Variants in LIPM observed in about 807,000 individuals in gnomAD.
The protein encoded by LIPM is lipase family member M, also known as lipase member M.
LIPM carries 42 observed loss-of-function variants against 42.4 expected under a neutral mutation model. That is an observed-to-expected ratio of 0.99 (90% CI 0.77 to 1.28). LIPM has a LOEUF of 1.28. Ranked by LOEUF, LIPM falls within the 50% of genes most tolerant of loss-of-function variation. The pLI, the probability that LIPM is intolerant of heterozygous loss-of-function variation, is 0.00. For missense variants in LIPM, 524 were observed against 520.1 expected, an observed-to-expected ratio of 1.01 and a Z score of -0.07; for synonymous variants, 177 against 173.3, an observed-to-expected ratio of 1.02 and a Z score of -0.17.
intron 2 of LIPM, among the ~76,000 whole-genome samples, chr10:88,812,450 G>A (rs930191715): frequency 6.6e-6 from 1 of 151,914 alleles, no homozygotes; most frequent in Non-Finnish European, 1.5e-5. Flanking sequence ...TTTGTTAGTG[G>A]GTATTGTACT....
chr10:88,811,885 C>A (rs547000309), intron 2 of LIPM, among the ~76,000 whole-genome samples: 2 of 151,788 alleles, frequency 1.3e-5, no homozygotes, highest in Non-Finnish European at 2.9e-5. Context: ...AACTGCAATA[C>A]CTTTATCAAA....
chr10:88,815,812 T>C (rs114525208), intron 6 of LIPM, among the ~76,000 whole-genome samples: 1,745 of 152,324 alleles, frequency 0.011, 29 homozygotes, highest in African/African-American at 0.039. Context: ...ACAACTGTCA[T>C]GCATCATCCA....
chr10:88,816,717 T>C, intron 6 of LIPM, 99 bp from the exon 7 acceptor site: 1 of 732,538 alleles, frequency 1.4e-6, no homozygotes, highest in Non-Finnish European at 2.4e-6. Context: ...TTAATAATGT[T>C]ACCATTTCTT....
intron 1 of LIPM, among the ~76,000 whole-genome samples, chr10:88,804,774 C>T (rs763815748): frequency 2.6e-5 from 4 of 152,198 alleles, no homozygotes; most frequent in Non-Finnish European, 5.9e-5. Context: ...TAACCTGCCC[C>T]TTAATTTGCA....
chr10:88,803,166 A>C (rs1843548212), intron 1 of LIPM, 123 bp downstream of exon 1: 3 of 1,095,030 alleles, frequency 2.7e-6, no homozygotes, highest in Non-Finnish European at 3.8e-6. Flanking sequence ...ATAGTGATGA[A>C]GTAGCAAATT....
In LIPM at chr10:88,808,491, A is replaced by G; in HGVS notation, c.265+76A>G. 5.7e-6 allele frequency: 5 copies of G among 884,856 alleles called. No homozygotes were observed. In the South Asian group the frequency reaches 5.9e-5, roughly 10 times the overall value. The allele number at this position is 884,856 out of a possible 1,614,324, so 54.8% of individuals were successfully genotyped here. A position where few individuals can be genotyped will look rare whatever the true frequency, so the allele number is the denominator to read the frequency against. On this transcript the variant is annotated intron_variant, in intron 2 of 8. Transcript: ENST00000404743. The stretch of plus-strand genomic sequence containing the variant: ...GATTTCCTTGTGATTTGAATGTAGA[A>G]GAGAGCCTGGGTTCTTAGTGCAGAG...
chr10:88,811,217 C>T (rs944694865), intron 2 of LIPM, among the ~76,000 whole-genome samples: 19 of 152,306 alleles, frequency 1.2e-4, no homozygotes, highest in African/African-American at 4.1e-4. Context: ...GGGCAGCATG[C>T]TGAGTGCTTA....
chr10:88,808,769 A>G (rs1843618912), intron 2 of LIPM, among the ~76,000 whole-genome samples: 1 of 152,140 alleles, frequency 6.6e-6, no homozygotes. Context: ...GCCTCTGATT[A>G]TGAAGAATTC....
chr10:88,809,492 T>C (rs569027554), intron 2 of LIPM, among the ~76,000 whole-genome samples: 1 of 152,356 alleles, frequency 6.6e-6, no homozygotes, highest in South Asian at 2.1e-4. Flanking sequence ...TATTTTGATA[T>C]GCCAGATACA....
At chr10:88,805,641 C>CT (rs1349126209) in intron 1 of LIPM, among the ~76,000 whole-genome samples, 7 of 152,160 alleles carry the variant, frequency 4.6e-5, no homozygotes, top group Non-Finnish European at 8.8e-5. Context: ...TATTTTCCAA[C>CT]GTTTTTTCTG....
In LIPM at chr10:88,820,424, A is replaced by T. The variant is rs1012513764; in HGVS notation, c.1195A>T (p.Met399Leu). Reference sequence around the variant, plus strand: ...CTGGGGTTTGGATGCTCCTCACCGTATGTACAATGAAATCATCCATCTGAT... The same window carrying T: ...CTGGGGTTTGGATGCTCCTCACCGTTTGTACAATGAAATCATCCATCTGAT... ...FIWGLDAPHRMYNEIIHLMQQ... is the reference protein window; with the variant it reads ...FIWGLDAPHRLYNEIIHLMQQ... Residue 399 changes from methionine to leucine, a missense_variant, in exon 9 of 9, where the codon ATG (methionine) becomes TTG (leucine). Transcript: ENST00000404743. The T allele has an allele frequency of 1.2e-5, 18 of 1,552,102 alleles. No homozygotes were observed. The highest frequency in any genetic ancestry group is 1.4e-5 in the Non-Finnish European group (16 of 1,147,036).
intron 8 of LIPM, 65 bp downstream of exon 8, chr10:88,817,961 AATGACAGTTT>A: frequency 8.2e-7 from 1 of 1,226,548 alleles, no homozygotes; most frequent in Non-Finnish European, 1.2e-6. Flanking sequence ...GGGACGTTAT[AATGACAGTTT>A]ATTCTAGATA....
chr10:88,819,051 C>T (rs753732004), intron 8 of LIPM, among the ~76,000 whole-genome samples: 9 of 142,892 alleles, frequency 6.3e-5, no homozygotes, highest in Non-Finnish European at 1.2e-4. Flanking sequence ...CCATGCTCAG[C>T]TAATTTTTTT....
chr10:88,806,621 C>T (rs918326729), intron 1 of LIPM, among the ~76,000 whole-genome samples: 4 of 152,110 alleles, frequency 2.6e-5, no homozygotes, highest in Admixed American at 2.0e-4. Context: ...AGTGGGGTCC[C>T]GCAATTTGTG....
intron 7 of LIPM, among the ~76,000 whole-genome samples, chr10:88,817,518 C>T (rs544089876): frequency 7.9e-5 from 12 of 152,308 alleles, no homozygotes; most frequent in South Asian, 6.2e-4. Context: ...TTCCAGGGCA[C>T]GATTCCCCAT....
Position 88,814,965 on chromosome 10 carries a change from T to G in LIPM, c.575-123T>G, listed in dbSNP as rs922246548. ...TGGTGTCATAAGGACCTTATAATTT[T>G]ATAGGAGAGGTAAGATGCAGTCACA... On this transcript the variant is annotated intron_variant, in intron 4 of 8. Transcript: ENST00000404743. 4.5e-6 allele frequency: 4 copies of G among 889,736 alleles called. No individual in the cohort carries two copies. The African/African-American group carries it at 6.8e-5, about 15-fold the overall frequency. 55.1% of individuals were successfully genotyped at this position (889,736 alleles called of 1,614,324 possible).
intron 1 of LIPM, among the ~76,000 whole-genome samples, chr10:88,803,490 T>C (rs1843551877): frequency 6.6e-6 from 1 of 152,164 alleles, no homozygotes; most frequent in African/African-American, 2.4e-5. Flanking sequence ...TCTAATCTAC[T>C]CTTTTTATCC....
intron 4 of LIPM, 71 bp downstream of exon 4, chr10:88,814,710 A>C: frequency 8.5e-7 from 1 of 1,173,756 alleles, no homozygotes; most frequent in South Asian, 1.3e-5. Flanking sequence ...TATCCCTGAA[A>C]TCTGTCACCT....
At chr10:88,806,034 C>T (rs575494982) in intron 1 of LIPM, 7 of 456,048 alleles carry the variant, frequency 1.5e-5, no homozygotes, top group Admixed American at 4.7e-5. Context: ...CAGGAAGGGA[C>T]GTGAACTTGG....
Sources: allele counts gnomAD v4.1 joint callset (sites outside exome capture counted in the v4.1 genomes callset), GRCh38; gene constraint gnomAD v4.1.1; transcripts MANE v1.5; gene names NCBI Gene and HGNC (gene_info 2026-07-23, HGNC 2026-07-21).